The following KLHL23 variants were observed in gnomAD, a reference collection of about 807,000 sequenced individuals.
KLHL23 encodes the protein kelch-like protein 23.
KLHL23 carries 33 observed loss-of-function variants against 48.9 expected under a neutral mutation model. The observed-to-expected ratio is 0.67, with a 90% CI of 0.51 to 0.90. The LOEUF (loss-of-function observed/expected upper bound fraction) is 0.90, where lower values mean the gene tolerates loss of function less well. Among genes scored for constraint, KLHL23 ranks in the 40% least tolerant of loss-of-function variants. The pLI, the probability that KLHL23 is intolerant of heterozygous loss-of-function variation, is 0.00. For synonymous variants in KLHL23, 234 were observed against 231.6 expected, an observed-to-expected ratio of 1.01 and a Z score of -0.09; for missense variants, 608 against 669.6, an observed-to-expected ratio of 0.91 and a Z score of 1.02.
intron 3 of KLHL23, among the ~76,000 whole-genome samples, chr2:169,742,371 G>C (rs1440206355): frequency 6.6e-6 from 1 of 152,184 alleles, no homozygotes; most frequent in Non-Finnish European, 1.5e-5. Context: ...TATTACCTCA[G>C]ATTCTCACTA....
At position 169,738,202 on chromosome 2, in the gene KLHL23, G is replaced by A. The variant is rs115132144; in HGVS notation, c.1213+1975G>A. Among the ~76,000 whole-genome samples the A allele has an allele frequency of 7.0e-3, 1,061 of 152,226 alleles. 14 individuals carry two copies. The highest frequency in any genetic ancestry group is 0.024 in the African/African-American group (1,000 of 41,532). ...AACACTGCCAGTTATGTGCAGTTTTGACTACTGCTTGTTTTGGTGGGTGGA... is the reference window on the plus strand; with the variant it reads ...AACACTGCCAGTTATGTGCAGTTTTAACTACTGCTTGTTTTGGTGGGTGGA... On this transcript the variant is annotated intron_variant, in intron 2 of 3. Coordinates refer to ENST00000392647, the MANE Select transcript of KLHL23 (RefSeq NM_144711.6).
intron 2 of KLHL23, among the ~76,000 whole-genome samples, chr2:169,738,824 TTTCCTCCCCCTCCTC>T (rs1688578777): frequency 2.2e-5 from 2 of 90,694 alleles, no homozygotes; most frequent in African/African-American, 3.8e-5. Context: ...TCCAAACCTA[TTTCCTCCCCCTCCTC>T]CCCCTCCCCT....
rs779978877 is a variant in KLHL23, at chr2:169,735,107, G to A, written c.93G>A (p.Leu31=). Residue 31 remains leucine, a synonymous_variant, in exon 2 of 4, where the codon TTG becomes TTA. Coordinates refer to ENST00000392647, the MANE Select transcript of KLHL23 (RefSeq NM_144711.6). This position sits in a 1 kb window ranked among gnomAD's most constrained non-coding sequence, Gnocchi z 4.5. ...DFLDAFRTFY[L]DGLFTDITLQ... The stretch of plus-strand genomic sequence containing the variant: ...TGGATGCATTCAGAACATTTTACTT[G>A]GATGGATTATTTACTGATATTACTC... The A allele has an allele frequency of 9.9e-6, 16 of 1,610,092 alleles. No individual in the cohort carries two copies. Among genetic ancestry groups the A allele is most frequent in the Non-Finnish European group, 1.4e-5 (16 of 1,179,080 alleles).
At chr2:169,747,389 T>TAAAAAAAAAAAAAAAAAAAAAAAAAA (rs10690582) in intron 3 of KLHL23, among the ~76,000 whole-genome samples, 1 of 69,234 alleles carries the variant, frequency 1.4e-5, no homozygotes, top group Non-Finnish European at 2.6e-5. Context: ...ACTCTGTCTC[T>TAAAAAAAAAAAAAAAAAAAAAAAAAA]AAAAAAAAAA....
At chr2:169,736,351 T>C (rs1688518064) in intron 2 of KLHL23, 124 bp downstream of exon 2, 1 of 1,339,734 alleles carries the variant, frequency 7.5e-7, no homozygotes, top group Non-Finnish European at 1.0e-6. Context: ...ATACAAATAA[T>C]GCTACACAGA....
intron 3 of KLHL23, 58 bp downstream of exon 3, chr2:169,741,595 G>A: frequency 6.6e-7 from 1 of 1,512,228 alleles, no homozygotes; most frequent in Non-Finnish European, 8.9e-7. Context: ...TAGCATAAAG[G>A]ATGGCTAAAA....
chr2:169,736,310 T>C (rs1469119051), intron 2 of KLHL23, 83 bp downstream of exon 2: 2 of 1,493,758 alleles, frequency 1.3e-6, no homozygotes, highest in East Asian at 2.3e-5. Context: ...ATTTATCACT[T>C]TGGGATGCTA....
At chr2:169,739,493 T>A (rs1688622172) in intron 2 of KLHL23, among the ~76,000 whole-genome samples, 1 of 152,146 alleles carries the variant, frequency 6.6e-6, no homozygotes, top group South Asian at 2.1e-4. Context: ...CTACTTAACA[T>A]TGTCCAGTAA....
intron 1 of KLHL23, 47 bp downstream of exon 1, chr2:169,734,134 G>GAGCGGGGCCGGGCGCGGGC (rs1553476252): frequency 6.9e-6 from 1 of 145,102 alleles, no homozygotes; most frequent in Admixed American, 6.8e-5. Context: ...TGCTGGGAGC[G>GAGCGGGGCCGGGCGCGGGC]AGCGGGGCCG....
rs11444477 is a variant in KLHL23, at chr2:169,750,043, A to ACGTATGTATGTATATATGTGTATATATAC, written c.*311_*312insCGTATGTATGTATATATGTGTATATATAC. 1 of 21,342 alleles carries ACGTATGTATGTATATATGTGTATATATAC rather than the reference A, an allele frequency of 4.7e-5. No individual in the cohort carries two copies. Among genetic ancestry groups the ACGTATGTATGTATATATGTGTATATATAC allele is most frequent in the African/African-American group, 1.5e-4 (1 of 6,782 alleles). The allele number at this position is 21,342 out of a possible 1,614,324, so 1.3% of individuals were successfully genotyped here. Reference sequence around the variant, plus strand: ...TGTATGTATACATATGTGTATATATAGTATGTATGTATACATGTATGTGTA... The same window carrying ACGTATGTATGTATATATGTGTATATATAC: ...TGTATGTATACATATGTGTATATATACGTATGTATGTATATATGTGTATATATACGTATGTATGTATACATGTATGTGTA... On this transcript the variant is annotated 3_prime_UTR_variant, in exon 4 of 4. Transcript: ENST00000392647.
intron 2 of KLHL23, among the ~76,000 whole-genome samples, chr2:169,737,931 T>C (rs1688556860): frequency 6.6e-6 from 1 of 152,196 alleles, no homozygotes; most frequent in Non-Finnish European, 1.5e-5. Flanking sequence ...AATGAAAGCT[T>C]ATTACTTTAC....
chr2:169,741,677 T>C (rs923328566), intron 3 of KLHL23, 140 bp downstream of exon 3: 1 of 1,046,530 alleles, frequency 9.6e-7, no homozygotes, highest in African/African-American at 1.6e-5. Context: ...CTCAAAATAT[T>C]CATATATGTC....
chr2:169,735,112 G>T lies in KLHL23; in HGVS notation c.98G>T (p.Gly33Val). The change falls in exon 2 of 4, where the codon GGA becomes GTA. Residue 33 changes from glycine (G) to valine (V), a missense_variant. Physicochemically the swap from Gly to Val is moderately radical, Grantham distance 109 (BLOSUM62 -3). Transcript: ENST00000392647. This position sits in a 1 kb window ranked among gnomAD's most constrained non-coding sequence, Gnocchi z 4.5. ...LDAFRTFYLD[G>V]LFTDITLQCP... ...GCATTCAGAACATTTTACTTGGATG[G>T]ATTATTTACTGATATTACTCTTCAG... 2 of 1,611,348 alleles carry T rather than the reference G, an allele frequency of 1.2e-6. No homozygotes were observed. Among genetic ancestry groups the T allele is most frequent in the Non-Finnish European group, 1.7e-6 (2 of 1,179,422 alleles).
chr2:169,739,078 C>T (rs1488663880), intron 2 of KLHL23, among the ~76,000 whole-genome samples: 1 of 141,954 alleles, frequency 7.0e-6, no homozygotes, highest in African/African-American at 2.6e-5. Context: ...TTCCCCTCCT[C>T]GACTTCCCCC....
intron 2 of KLHL23, among the ~76,000 whole-genome samples, chr2:169,738,988 C>CT (rs1246255616): frequency 1.4e-4 from 1 of 7,274 alleles, no homozygotes; most frequent in Non-Finnish European, 2.5e-4. Flanking sequence ...CCTCCCCCTC[C>CT]CCCTCCTCCC....
At chr2:169,748,358 T>G (rs1294478223) in intron 3 of KLHL23, among the ~76,000 whole-genome samples, 1 of 152,188 alleles carries the variant, frequency 6.6e-6, no homozygotes, top group Non-Finnish European at 1.5e-5. Context: ...GATAGTGCGC[T>G]AAATCTTTCC....
At chr2:169,736,407 G>C (rs1206558705) in intron 2 of KLHL23, among the ~76,000 whole-genome samples, 180 bp downstream of exon 2, 1 of 152,168 alleles carries the variant, frequency 6.6e-6, no homozygotes, top group Non-Finnish European at 1.5e-5. Context: ...ACTTGTCTGA[G>C]AGTTATGAGA....
chr2:169,736,129 A>G lies in KLHL23; in HGVS notation c.1115A>G (p.Tyr372Cys), dbSNP rs752344314. The change falls in exon 2 of 4, where the codon TAT becomes TGT. Residue 372 changes from tyrosine to cysteine, a missense_variant. Physicochemically the swap from Tyr to Cys is radical, Grantham distance 194 (BLOSUM62 -2). Around this residue, in one of 3 missense-constraint regions of KLHL23, gnomAD observed 419 missense variants for 473.1 expected, o/e 0.89. Coordinates refer to ENST00000392647, the MANE Select transcript of KLHL23 (RefSeq NM_144711.6). ...GCAGTCACCTTGGGTGGCTGTGTCT[A>G]TGCTTTAGGTGGTTACAGAAAAGGG... ...HCAVTLGGCV[Y>C]ALGGYRKGAP... 3.9e-5 allele frequency: 63 copies of G among 1,614,190 alleles called. 1 individual carries two copies. Among genetic ancestry groups the G allele is most frequent in the African/African-American group, 6.7e-5 (5 of 75,060 alleles).
Position 169,741,462 on chromosome 2 carries a change from T to G in KLHL23, c.1291T>G (p.Cys431Gly). 6.2e-7 allele frequency: 1 copy of G among 1,614,050 alleles called. No homozygotes were observed. Among genetic ancestry groups the G allele is most frequent in the Non-Finnish European group, 8.5e-7 (1 of 1,179,962 alleles). ...TGGCCACTGTGGCTACAGAGGAAGC[T>G]GCACCTATGACAAAGTTCAGAGCTA... is the stretch of plus-strand genomic sequence containing the variant. ...IGGHCGYRGS[C>G]TYDKVQSYNS... The change falls in exon 3 of 4, where the codon TGC (cysteine) becomes GGC (glycine). Residue 431 changes from cysteine to glycine, a missense_variant. Cys to Gly is a radical substitution (Grantham distance 159). This residue lies in a region of KLHL23 where 179 missense variants were observed against 169.9 expected (regional missense o/e 1.05). Transcript: ENST00000392647.
Sources: gnomAD v4.1 joint callset for allele counts (sites outside exome capture counted in the v4.1 genomes callset) on GRCh38, gnomAD v4.1.1 for gene constraint, gnomAD v4.1.1 regional missense constraint, Gnocchi (gnomAD v3.1) non-coding constraint, MANE v1.5 for transcripts, NCBI Gene and HGNC (gene_info 2026-07-23, HGNC 2026-07-21) for gene names.